The following NMNAT2 variants were observed in gnomAD, a reference collection of about 807,000 sequenced individuals.
NMNAT2 encodes nicotinamide/nicotinic acid mononucleotide adenylyltransferase 2.
In NMNAT2, 11 loss-of-function variants were observed where a neutral mutation model predicts 41.6. The ratio of observed to expected loss-of-function variants is 0.26; its 90% confidence interval spans 0.17 to 0.44. The LOEUF (loss-of-function observed/expected upper bound fraction) is 0.44. Ranked by LOEUF, NMNAT2 falls within the 20% of genes least tolerant of loss-of-function variation. The probability of loss-of-function intolerance (pLI) is 1.00; values close to 1 mark genes in which losing one functional copy is unlikely to be tolerated. For missense variants in NMNAT2, 288 were observed against 407.7 expected, an observed-to-expected ratio of 0.71 and a Z score of 2.53; for synonymous variants, 148 against 151.2, an observed-to-expected ratio of 0.98 and a Z score of 0.16.
chr1:183,284,324 C>T (rs775404006), intron 6 of NMNAT2, among the ~76,000 whole-genome samples: 15 of 152,194 alleles, frequency 9.9e-5, no homozygotes, highest in South Asian at 4.1e-4. Context: ...TCATGCTGAG[C>T]GCCTTCTGTT....
At chr1:183,344,476 C>T (rs1662883973) in intron 1 of NMNAT2, among the ~76,000 whole-genome samples, 1 of 152,182 alleles carries the variant, frequency 6.6e-6, no homozygotes, top group African/African-American at 2.4e-5. Context: ...CATCTGTCTC[C>T]TCACAACACT....
At chr1:183,329,690 C>G (rs114019192) in intron 1 of NMNAT2, among the ~76,000 whole-genome samples, 1 of 152,172 alleles carries the variant, frequency 6.6e-6, no homozygotes, top group Non-Finnish European at 1.5e-5. Context: ...TATTCACTTT[C>G]CTTCCTGCTC....
intron 1 of NMNAT2, among the ~76,000 whole-genome samples, chr1:183,403,512 C>T (rs1390559608): frequency 6.6e-6 from 1 of 151,510 alleles, no homozygotes; most frequent in East Asian, 1.9e-4. Flanking sequence ...GGAGACTGTC[C>T]TTACCCACCT....
chr1:183,273,176 T>C (rs1451213520), intron 8 of NMNAT2, among the ~76,000 whole-genome samples: 1 of 152,278 alleles, frequency 6.6e-6, no homozygotes, highest in Non-Finnish European at 1.5e-5. Flanking sequence ...ACCTTCCTTT[T>C]TCTGTCCATA....
intron 1 of NMNAT2, among the ~76,000 whole-genome samples, chr1:183,396,416 C>A (rs1348731392): frequency 6.6e-6 from 1 of 152,264 alleles, no homozygotes; most frequent in African/African-American, 2.4e-5. Context: ...TCAGCAGCTT[C>A]CCAATAAGAC....
At chr1:183,278,749 G>A (rs1661189480) in intron 7 of NMNAT2, 120 bp from the exon 8 acceptor site, 3 of 706,054 alleles carry the variant, frequency 4.2e-6, no homozygotes, top group Admixed American at 2.1e-5. Context: ...GTGGGGCCCA[G>A]TTATCCCAGG....
chr1:183,307,933 G>A (rs978986261), intron 1 of NMNAT2, among the ~76,000 whole-genome samples: 9 of 152,150 alleles, frequency 5.9e-5, no homozygotes, highest in Non-Finnish European at 8.8e-5. Context: ...GGGAGGGCGC[G>A]TGCTGCATTT....
chr1:183,389,746 A>AAGAAAGAG lies in NMNAT2; in HGVS notation c.85+28436_85+28437insCTCTTTCT, dbSNP rs1557897463. Among the ~76,000 whole-genome samples, 12 of 9,056 alleles carry AAGAAAGAG rather than the reference A, an allele frequency of 1.3e-3. 1 individual carries two copies. The highest frequency in any genetic ancestry group is 2.5e-3 in the Admixed American group (2 of 792). 5.9% of individuals were successfully genotyped at this position (9,056 alleles called of 152,430 possible). A position where few individuals can be genotyped will look rare whatever the true frequency, so the allele number is the denominator to read the frequency against. On this transcript the variant is annotated intron_variant, in intron 1 of 10. Coordinates refer to ENST00000287713, the MANE Select transcript of NMNAT2 (RefSeq NM_015039.4). ...GCAAGACCCTGTCAAAAAAGAAAGA[A>AAGAAAGAG]AGAAAGAAAGAAAGAAAGAAAGAAA...
chr1:183,325,455 T>A (rs1386480399), intron 1 of NMNAT2, among the ~76,000 whole-genome samples: 1 of 152,254 alleles, frequency 6.6e-6, no homozygotes, highest in Admixed American at 6.5e-5. Flanking sequence ...AGAAGTGTCG[T>A]ATTCTTTAAG....
intron 3 of NMNAT2, among the ~76,000 whole-genome samples, chr1:183,291,833 G>A (rs1157810152): frequency 1.3e-5 from 2 of 152,140 alleles, no homozygotes; most frequent in Non-Finnish European, 2.9e-5. Context: ...AAAAGCAGCT[G>A]TCTCTCTACC....
chr1:183,328,914 G>A (rs12145095), intron 1 of NMNAT2, among the ~76,000 whole-genome samples: 68,075 of 152,018 alleles, frequency 0.45, 16,253 homozygotes, highest in East Asian at 0.78. Context: ...GAAACATGGA[G>A]ACAGAGAGAT....
At chr1:183,312,141 G>A (rs921069502) in intron 1 of NMNAT2, among the ~76,000 whole-genome samples, 5 of 151,892 alleles carry the variant, frequency 3.3e-5, no homozygotes, top group Non-Finnish European at 7.4e-5. Flanking sequence ...GTGTGAAAAC[G>A]GACTAATACA....
chr1:183,256,111 T>A (rs1660509986), intron 10 of NMNAT2, among the ~76,000 whole-genome samples: 2 of 151,954 alleles, frequency 1.3e-5, no homozygotes, highest in South Asian at 2.1e-4. Flanking sequence ...TTAAAAAAAA[T>A]AAAATAAATT....
intron 1 of NMNAT2, among the ~76,000 whole-genome samples, chr1:183,358,549 A>G (rs528904874): frequency 2.0e-5 from 3 of 152,206 alleles, no homozygotes; most frequent in Non-Finnish European, 4.4e-5. Context: ...AGGTGAAAAC[A>G]TTGCAGGTGT....
chr1:183,401,556 C>T (rs1453794294), intron 1 of NMNAT2, among the ~76,000 whole-genome samples: 1 of 152,202 alleles, frequency 6.6e-6, no homozygotes, highest in Non-Finnish European at 1.5e-5. Context: ...CCAGCCATCC[C>T]ATTACTGGGT....
intron 8 of NMNAT2, among the ~76,000 whole-genome samples, chr1:183,263,203 A>G (rs1660707924): frequency 6.6e-6 from 1 of 152,230 alleles, no homozygotes; most frequent in African/African-American, 2.4e-5. Context: ...TGTCGTAGAG[A>G]GAAGTTAAAA....
At chr1:183,335,433 C>A (rs1662663289) in intron 1 of NMNAT2, among the ~76,000 whole-genome samples, 2 of 152,216 alleles carry the variant, frequency 1.3e-5, no homozygotes, top group South Asian at 4.1e-4. Flanking sequence ...ACATGGCCAC[C>A]ACCTGAGTCT....
Position 183,261,199 on chromosome 1 carries a change from C to T in NMNAT2, c.753+3G>A. The T allele has an allele frequency of 6.2e-7, 1 of 1,613,852 alleles. No individual in the cohort carries two copies. The highest frequency in any genetic ancestry group is 2.2e-5 in the East Asian group (1 of 44,884). On this transcript the variant is annotated splice_donor_region_variant and intron_variant, in intron 9 of 10. Coordinates refer to ENST00000287713, the MANE Select transcript of NMNAT2 (RefSeq NM_015039.4). The stretch of plus-strand genomic sequence containing the variant: ...AGATGCACTAGCAGGATGGAGGACT[C>T]ACTTTGTATTTGCGGAGTATTGAGG...
intron 1 of NMNAT2, among the ~76,000 whole-genome samples, chr1:183,328,683 T>C (rs984091603): frequency 6.6e-6 from 1 of 152,196 alleles, no homozygotes; most frequent in Non-Finnish European, 1.5e-5. Flanking sequence ...ATGGGAATGA[T>C]GTTCTGCACC....
Sources: gnomAD v4.1 joint callset for allele counts (sites outside exome capture counted in the v4.1 genomes callset) on GRCh38, gnomAD v4.1.1 for gene constraint, MANE v1.5 for transcripts, NCBI Gene and HGNC (gene_info 2026-07-23, HGNC 2026-07-21) for gene names.